RAPH1: variants seen among roughly 807,000 people sequenced by gnomAD.
RAPH1 encodes ras-associated and pleckstrin homology domains-containing protein 1.
RAPH1 carries 18 observed loss-of-function variants against 88.1 expected under a neutral mutation model. The ratio of observed to expected loss-of-function variants is 0.20; its 90% CI spans 0.14 to 0.30. RAPH1 has a LOEUF of 0.30. RAPH1 is among the 10% of genes least tolerant of loss of function. The pLI, the probability that RAPH1 is intolerant of heterozygous loss-of-function variation, is 1.00. For missense variants in RAPH1, 1,448 were observed against 1,543.2 expected (o/e 0.94, Z 1.03); for synonymous variants, 587 against 559.0 (o/e 1.05, Z -0.71).
chr2:203,518,185 C>A (rs1354307609), intron 1 of RAPH1, among the ~76,000 whole-genome samples: 1 of 152,032 alleles, frequency 6.6e-6, no homozygotes, highest in Non-Finnish European at 1.5e-5. Context: ...AGAGGGGACA[C>A]CACTACAGAT....
intron 4 of RAPH1, chr2:203,470,366 G>A (rs897842310): frequency 1.3e-5 from 16 of 1,221,912 alleles, no homozygotes; most frequent in Admixed American, 4.0e-5. Flanking sequence ...AGAAGTCAGT[G>A]GAGGTTTTAT....
chr2:203,438,470 CAT>C lies in RAPH1; in HGVS notation c.*965_*966del, dbSNP rs951565622. On this transcript the variant is annotated 3_prime_UTR_variant, in exon 14 of 14. Coordinates refer to ENST00000319170, the MANE Select transcript of RAPH1 (RefSeq NM_213589.3). ...TATGTAATAACACCTACCTAAAGCA[CAT>C]ATTTTAAGAAGGTAACTGGTGACCC... 1.2e-5 allele frequency: 3 copies of C among 256,240 alleles called. No homozygotes were observed. The highest frequency in any genetic ancestry group is 6.9e-5 in the African/African-American group (3 of 43,722). The allele number at this position is 256,240 out of a possible 1,614,324, so 15.9% of individuals were successfully genotyped here. A position where few individuals can be genotyped will look rare whatever the true frequency, so the allele number is the denominator to read the frequency against.
chr2:203,455,252 G>A (rs762604938), intron 9 of RAPH1, among the ~76,000 whole-genome samples, 185 bp downstream of exon 9: 33 of 152,204 alleles, frequency 2.2e-4, no homozygotes, highest in Non-Finnish European at 4.0e-4. Context: ...CTCAACTAGT[G>A]ACCAGAGAAG....
Position 203,440,290 on chromosome 2 carries a change from C to A in RAPH1, c.2900G>T (p.Gly967Val). ...GKKTSKTSSPGGKKPPPTPQR... is the reference protein window; with the variant it reads ...GKKTSKTSSPVGKKPPPTPQR... ...TGGGGTTGGGGGTGGTTTCTTTCCCCCAGGGCTGGACGTCTTACTGGTCTT... is the reference window on the plus strand; with the variant it reads ...TGGGGTTGGGGGTGGTTTCTTTCCCACAGGGCTGGACGTCTTACTGGTCTT... Residue 967 changes from glycine (G) to valine (V), a missense_variant, in exon 14 of 14, where the codon GGG becomes GTG. Gly to Val is a moderately radical substitution (Grantham distance 109, BLOSUM62 -3). Transcript: ENST00000319170. 6.2e-7 allele frequency: 1 copy of A among 1,613,712 alleles called. No homozygotes were observed. Among genetic ancestry groups the A allele is most frequent in the South Asian group, 1.1e-5 (1 of 91,042 alleles).
chr2:203,505,478 TGA>T (rs1271480539), intron 1 of RAPH1, among the ~76,000 whole-genome samples: 1 of 152,042 alleles, frequency 6.6e-6, no homozygotes, highest in African/African-American at 2.4e-5. Context: ...AGAGGAATTC[TGA>T]GAGATACAAC....
Position 203,448,426 on chromosome 2 carries a change from A to G in RAPH1, c.1512+312T>C, listed in dbSNP as rs1335277220. On this transcript the variant is annotated intron_variant, in intron 11 of 13. Transcript: ENST00000319170. The surrounding 1 kb of genome is among the most constrained non-coding windows in gnomAD (Gnocchi z 4.1). ...TTACTTAAAGTAATTTAATTTTTCC[A>G]AAACTTACTTTGCTTAGGCTAAACT... 6.6e-6 allele frequency among the ~76,000 whole-genome samples: 1 copy of G among 152,202 alleles called. No individual in the cohort carries two copies. The highest frequency in any genetic ancestry group is 1.5e-5 in the Non-Finnish European group (1 of 68,044).
At chr2:203,533,114 A>G (rs778057639) in intron 1 of RAPH1, among the ~76,000 whole-genome samples, 3 of 152,190 alleles carry the variant, frequency 2.0e-5, no homozygotes, top group Non-Finnish European at 4.4e-5. Flanking sequence ...GAAAATAAAG[A>G]GTTAAATATT....
chr2:203,505,128 C>G lies in RAPH1; in HGVS notation c.1-9775G>C, dbSNP rs1039782483. ...TTACCCAGTTCCAAAGACACTTCTACGTTTTTGGGTATCTTTTCAGCAACG... is the reference window on the plus strand; with the variant it reads ...TTACCCAGTTCCAAAGACACTTCTAGGTTTTTGGGTATCTTTTCAGCAACG... On this transcript the variant is annotated intron_variant, in intron 1 of 13. Coordinates refer to ENST00000319170, the MANE Select transcript of RAPH1 (RefSeq NM_213589.3). Among the ~76,000 whole-genome samples the G allele has an allele frequency of 2.0e-5, 3 of 152,186 alleles. No homozygotes were observed. The South Asian group carries it at 6.2e-4, about 31-fold the overall frequency.
Position 203,439,215 on chromosome 2 carries a change from C to G in RAPH1, c.*222G>C, listed in dbSNP as rs527565192. On this transcript the variant is annotated 3_prime_UTR_variant, in exon 14 of 14. Coordinates refer to ENST00000319170, the MANE Select transcript of RAPH1 (RefSeq NM_213589.3). The stretch of plus-strand genomic sequence containing the variant: ...AAGGAATAAATAGAATAACTCTCAG[C>G]TCTCTCTCTATATACACATACACAT... 1.6e-4 allele frequency: 74 copies of G among 463,090 alleles called. No homozygotes were observed. The highest frequency in any genetic ancestry group is 1.3e-3 in the African/African-American group (70 of 52,358). 28.7% of individuals were successfully genotyped at this position (463,090 alleles called of 1,614,324 possible).
chr2:203,439,940 G>T lies in RAPH1; in HGVS notation c.3250C>A (p.Leu1084Met), dbSNP rs1182287678. Residue 1084 changes from leucine to methionine, a missense_variant, in exon 14 of 14, where the codon CTG (leucine) becomes ATG (methionine). By Grantham distance (15) the Leu-to-Met change is conservative. Coordinates refer to ENST00000319170, the MANE Select transcript of RAPH1 (RefSeq NM_213589.3). ...ACTGCTGGAATCTCAATGGGGGGCA[G>T]AGGAAGCTCTGTTTCAGGTGGAGGG... Reference protein sequence around the residue: ...PPPPPETELPLPPIEIPAVFS... With the variant: ...PPPPPETELPMPPIEIPAVFS... The T allele has an allele frequency of 6.2e-7, 1 of 1,613,964 alleles. No individual in the cohort carries two copies. Among genetic ancestry groups the T allele is most frequent in the South Asian group, 1.1e-5 (1 of 91,062 alleles).
chr2:203,482,885 T>G lies in RAPH1; in HGVS notation c.732+6699A>C, dbSNP rs1687793437. Among the ~76,000 whole-genome samples the G allele has an allele frequency of 2.0e-5, 3 of 152,132 alleles. No homozygotes were observed. The South Asian group carries it at 6.2e-4, about 31-fold the overall frequency. On this transcript the variant is annotated intron_variant, in intron 4 of 13. Transcript: ENST00000319170. The stretch of plus-strand genomic sequence containing the variant: ...AGGGGAGCTCCATTTTTAAATAGCA[T>G]AATCAAAGAACGCCTCAATAAGAAA...
rs1414098299 is a variant in RAPH1, at chr2:203,437,598, T to C, written c.*1839A>G. Reference sequence around the variant, plus strand: ...AATGGTATATATTCTTATTGCTCCATAACCACATGAACATAACCGAACAAT... The same window carrying C: ...AATGGTATATATTCTTATTGCTCCACAACCACATGAACATAACCGAACAAT... On this transcript the variant is annotated 3_prime_UTR_variant, in exon 14 of 14. Transcript: ENST00000319170. 1 of 152,452 alleles carries C rather than the reference T, an allele frequency of 6.6e-6. No homozygotes were observed. Among genetic ancestry groups the C allele is most frequent in the Non-Finnish European group, 1.5e-5 (1 of 68,234 alleles). The allele number at this position is 152,452 out of a possible 1,614,324, so 9.4% of individuals were successfully genotyped here. A position where few individuals can be genotyped will look rare whatever the true frequency, so the allele number is the denominator to read the frequency against.
intron 1 of RAPH1, among the ~76,000 whole-genome samples, chr2:203,503,619 T>C (rs1329358249): frequency 6.6e-6 from 1 of 152,084 alleles, no homozygotes; most frequent in Non-Finnish European, 1.5e-5. Flanking sequence ...CCCCTCCAAA[T>C]CTCATGTCCT....
At chr2:203,470,928 T>A (rs903382173) in intron 4 of RAPH1, among the ~76,000 whole-genome samples, 1 of 152,238 alleles carries the variant, frequency 6.6e-6, no homozygotes, top group Non-Finnish European at 1.5e-5. Context: ...GTAAAGAATT[T>A]GCAGAGCAAA....
intron 1 of RAPH1, among the ~76,000 whole-genome samples, chr2:203,518,402 C>T (rs996373662): frequency 1.3e-5 from 2 of 151,646 alleles, no homozygotes; most frequent in South Asian, 2.1e-4. Flanking sequence ...CCTGGAATTC[C>T]AGCTACTTGG....
At chr2:203,509,354 C>G (rs991283311) in intron 1 of RAPH1, among the ~76,000 whole-genome samples, 3 of 151,966 alleles carry the variant, frequency 2.0e-5, no homozygotes, top group Non-Finnish European at 4.4e-5. Flanking sequence ...AGCCACCACA[C>G]CCGGCCCTAA....
At chr2:203,505,849 GCA>G (rs147598208) in intron 1 of RAPH1, among the ~76,000 whole-genome samples, 1 of 151,484 alleles carries the variant, frequency 6.6e-6, no homozygotes, top group South Asian at 2.1e-4. Context: ...GCGCGCGCAC[GCA>G]CACACACACA....
chr2:203,511,981 T>C (rs1232899370), intron 1 of RAPH1, among the ~76,000 whole-genome samples: 1 of 151,800 alleles, frequency 6.6e-6, no homozygotes, highest in Non-Finnish European at 1.5e-5. Flanking sequence ...GGTGTGGTGG[T>C]GTTCCCCTAT....
chr2:203,520,455 C>A (rs1559503199), intron 1 of RAPH1, among the ~76,000 whole-genome samples: 1 of 151,954 alleles, frequency 6.6e-6, no homozygotes, highest in Non-Finnish European at 1.5e-5. Flanking sequence ...TGGTGAAACC[C>A]CGTTTCTACT....
Sources: allele counts gnomAD v4.1 joint callset (sites outside exome capture counted in the v4.1 genomes callset), GRCh38; gene constraint gnomAD v4.1.1; non-coding constraint Gnocchi (gnomAD v3.1); transcripts MANE v1.5; gene names NCBI Gene and HGNC (gene_info 2026-07-23, HGNC 2026-07-21).